LZTFL1: variants seen among roughly 807,000 people sequenced by gnomAD.
The protein encoded by LZTFL1 is leucine zipper transcription factor-like protein 1.
LZTFL1 carries 25 observed loss-of-function variants against 45.9 expected under a neutral mutation model. The ratio of observed to expected loss-of-function variants is 0.54; its 90% CI spans 0.40 to 0.76. The LOEUF is 0.76. Ranked by LOEUF, LZTFL1 falls within the 30% of genes least tolerant of loss-of-function variation. The probability of loss-of-function intolerance (pLI) is 0.00; values close to 1 mark genes in which losing one functional copy is unlikely to be tolerated. For missense variants in LZTFL1, 277 were observed against 331.1 expected (o/e 0.84, Z 1.27); for synonymous variants, 93 against 117.4 (o/e 0.79, Z 1.35).
intron 2 of LZTFL1, among the ~76,000 whole-genome samples, chr3:45,874,772 A>AAG (rs1159504541): frequency 6.6e-6 from 1 of 152,188 alleles, no homozygotes; most frequent in Non-Finnish European, 1.5e-5. Context: ...GTATGCAACA[A>AAG]AGTGATGGTG....
intron 1 of LZTFL1, among the ~76,000 whole-genome samples, chr3:45,914,423 G>C (rs1702858176): frequency 6.6e-6 from 1 of 151,968 alleles, no homozygotes; most frequent in Admixed American, 6.6e-5. Flanking sequence ...GCTGGGACTA[G>C]AGGCGCCTGG....
chr3:45,895,100 G>GACAACAACCTACCCAGCAAT, intron 2 of LZTFL1: 1 of 856,588 alleles, frequency 1.2e-6, no homozygotes. Context: ...CGCATTGCTG[G>GACAACAACCTACCCAGCAAT]GTAGGTTGTT....
chr3:45,832,307 T>G (rs1700848605), intron 5 of LZTFL1, among the ~76,000 whole-genome samples: 1 of 152,172 alleles, frequency 6.6e-6, no homozygotes, highest in South Asian at 2.1e-4. Context: ...TGCTTTTTAT[T>G]TCTAACAACA....
intron 2 of LZTFL1, among the ~76,000 whole-genome samples, chr3:45,907,250 C>T (rs1029220274): frequency 6.6e-6 from 1 of 152,196 alleles, no homozygotes; most frequent in African/African-American, 2.4e-5. Flanking sequence ...CCTCCCCTGC[C>T]CAGGGACTGG....
chr3:45,899,683 G>C (rs1019581271), intron 2 of LZTFL1, among the ~76,000 whole-genome samples: 1 of 152,190 alleles, frequency 6.6e-6, no homozygotes, highest in African/African-American at 2.4e-5. Flanking sequence ...GAAACTGGTG[G>C]GAAGTGAGAG....
chr3:45,880,130 C>T (rs564941114), intron 2 of LZTFL1, among the ~76,000 whole-genome samples: 22 of 152,314 alleles, frequency 1.4e-4, no homozygotes, highest in Admixed American at 9.8e-4. Context: ...CTCATTTAGA[C>T]GTTTGGTTCT....
intron 4 of LZTFL1, 99 bp downstream of exon 4, chr3:45,834,139 C>A: frequency 3.1e-6 from 2 of 646,492 alleles, no homozygotes; most frequent in Admixed American, 5.8e-5. Context: ...AATGCTTTTC[C>A]TTAAGAGTTC....
intron 2 of LZTFL1, among the ~76,000 whole-genome samples, chr3:45,897,960 T>C (rs1470265067): frequency 1.6e-5 from 2 of 126,346 alleles, no homozygotes; most frequent in Non-Finnish European, 3.3e-5. Context: ...TGAGAGTCTA[T>C]TAAAGCTATT....
At chr3:45,895,701 G>A (rs1702331952) in intron 2 of LZTFL1, among the ~76,000 whole-genome samples, 1 of 149,666 alleles carries the variant, frequency 6.7e-6, no homozygotes, top group Non-Finnish European at 1.5e-5. Context: ...GCAACAGAGC[G>A]AGACTCTGTC....
At chr3:45,858,547 AT>A (rs1701430568) in intron 3 of LZTFL1, among the ~76,000 whole-genome samples, 1 of 152,240 alleles carries the variant, frequency 6.6e-6, no homozygotes, top group South Asian at 2.1e-4. Flanking sequence ...TTAAAATCAC[AT>A]GCTGTATTTT....
intron 2 of LZTFL1, chr3:45,913,100 T>C: frequency 6.5e-7 from 1 of 1,535,752 alleles, no homozygotes; most frequent in South Asian, 1.2e-5. Context: ...TAATATGTTC[T>C]GTAAATGGTT....
chr3:45,842,079 A>C lies in LZTFL1; in HGVS notation c.-88T>G, dbSNP rs751214418. 2.2e-5 allele frequency: 35 copies of C among 1,583,206 alleles called. No individual in the cohort carries two copies. The highest frequency in any genetic ancestry group is 2.8e-5 in the Non-Finnish European group (33 of 1,167,128). On this transcript the variant is annotated 5_prime_UTR_variant, in exon 1 of 10. Coordinates refer to ENST00000296135, the MANE Select transcript of LZTFL1 (RefSeq NM_020347.4). ...TGGGATCGCCGAGGGTAGTTGGACCACAGAAAATGGGGAAGGAGGGTAGGT... is the reference window on the plus strand; with the variant it reads ...TGGGATCGCCGAGGGTAGTTGGACCCCAGAAAATGGGGAAGGAGGGTAGGT...
At chr3:45,826,439 G>C (rs1444724700) in intron 9 of LZTFL1, 107 bp from the exon 10 acceptor site, 7 of 904,288 alleles carry the variant, frequency 7.7e-6, no homozygotes, top group Non-Finnish European at 1.3e-5. Context: ...TCAAATTACT[G>C]TTACGGTAGA....
upstream of LZTFL1, among the ~76,000 whole-genome samples, chr3:45,843,254 C>T: frequency 6.6e-6 from 1 of 152,246 alleles, no homozygotes; most frequent in East Asian, 1.9e-4. Flanking sequence ...CATCCCACCT[C>T]CCCATTTCTG....
upstream of LZTFL1, among the ~76,000 whole-genome samples, chr3:45,845,657 G>T (rs1243450264): frequency 6.6e-6 from 1 of 152,228 alleles, no homozygotes; most frequent in Non-Finnish European, 1.5e-5. Context: ...ATTCAGAAAT[G>T]TGGGTCTTCC....
chr3:45,830,052 G>A (rs1355484630), intron 7 of LZTFL1, among the ~76,000 whole-genome samples: 1 of 152,170 alleles, frequency 6.6e-6, no homozygotes, highest in Non-Finnish European at 1.5e-5. Context: ...CCATGCATTG[G>A]TAACTGCTAA....
intron 2 of LZTFL1, among the ~76,000 whole-genome samples, chr3:45,899,256 A>G (rs958204301): frequency 4.6e-5 from 7 of 152,260 alleles, no homozygotes; most frequent in Non-Finnish European, 8.8e-5. Context: ...TCAAAGAAGG[A>G]ATATGCAAAG....
At chr3:45,912,818 G>A (rs556656920) in intron 2 of LZTFL1, among the ~76,000 whole-genome samples, 2 of 152,246 alleles carry the variant, frequency 1.3e-5, no homozygotes, top group Admixed American at 6.5e-5. Context: ...ATATTCGTGA[G>A]CAAAATAAAT....
intron 2 of LZTFL1, among the ~76,000 whole-genome samples, chr3:45,910,678 C>T (rs1702778079): frequency 6.6e-6 from 1 of 151,982 alleles, no homozygotes; most frequent in South Asian, 2.1e-4. Context: ...AATAAAACAA[C>T]AAAAAAATGT....
Sources: gnomAD v4.1 joint callset for allele counts (sites outside exome capture counted in the v4.1 genomes callset) on GRCh38, gnomAD v4.1.1 for gene constraint, MANE v1.5 for transcripts, NCBI Gene and HGNC (gene_info 2026-07-23, HGNC 2026-07-21) for gene names.